The following GSAP variants were observed in gnomAD, a reference collection of about 807,000 sequenced individuals.
GSAP encodes the protein gamma-secretase activating protein, also known as gamma-secretase-activating protein.
GSAP carries 118 observed loss-of-function variants against 131.7 expected under a neutral mutation model. The ratio of observed to expected loss-of-function variants is 0.90; its 90% confidence interval spans 0.77 to 1.04. GSAP has a LOEUF of 1.04. Among genes scored for constraint, GSAP ranks in the 50% least tolerant of loss-of-function variants. The pLI, the probability that GSAP is intolerant of heterozygous loss-of-function variation, is 0.00. For synonymous variants in GSAP, 381 were observed against 363.4 expected, an observed-to-expected ratio of 1.05 and a Z score of -0.55; for missense variants, 1,019 against 1,013.2, an observed-to-expected ratio of 1.01 and a Z score of -0.08.
chr7:77,384,514 T>C (rs1027217701), intron 6 of GSAP, among the ~76,000 whole-genome samples: 1 of 152,062 alleles, frequency 6.6e-6, no homozygotes, highest in Non-Finnish European at 1.5e-5. Context: ...CTTTGAAAAA[T>C]TTATCTTCAC....
chr7:77,336,109 C>T (rs1246311182), intron 19 of GSAP, among the ~76,000 whole-genome samples: 1 of 152,182 alleles, frequency 6.6e-6, no homozygotes, highest in Non-Finnish European at 1.5e-5. Flanking sequence ...TCCTTCTTCC[C>T]CAATATCTAG....
At chr7:77,347,962 G>A (rs1191393267) in intron 19 of GSAP, among the ~76,000 whole-genome samples, 1 of 148,326 alleles carries the variant, frequency 6.7e-6, no homozygotes, top group Non-Finnish European at 1.5e-5. Flanking sequence ...GATCATCCTG[G>A]CAACATAGCA....
At chr7:77,365,904 T>G (rs1369869165) in intron 12 of GSAP, among the ~76,000 whole-genome samples, 1 of 146,554 alleles carries the variant, frequency 6.8e-6, no homozygotes, top group Non-Finnish European at 1.5e-5. Context: ...GTGGGTTTTT[T>G]TTTTTTTTTT....
intron 26 of GSAP, 151 bp downstream of exon 26, chr7:77,320,574 C>G (rs1787498441): frequency 1.6e-6 from 1 of 610,712 alleles, no homozygotes; most frequent in Non-Finnish European, 2.9e-6. Context: ...CAGCAGAGAC[C>G]AACCTAAGGG....
At chr7:77,386,874 A>C (rs183045993) in intron 6 of GSAP, among the ~76,000 whole-genome samples, 10 of 152,224 alleles carry the variant, frequency 6.6e-5, no homozygotes, top group Admixed American at 3.9e-4. Flanking sequence ...ACGAAGTACT[A>C]TAAGTGTTTA....
In GSAP at chr7:77,311,914, T is replaced by A. The variant is rs1320052533; in HGVS notation, c.2400A>T (p.Ser800=). 6.3e-7 allele frequency: 1 copy of A among 1,599,670 alleles called. No individual in the cohort carries two copies. The highest frequency in any genetic ancestry group is 8.6e-7 in the Non-Finnish European group (1 of 1,166,932). Residue 800 remains serine, a synonymous_variant, in exon 30 of 31, where the codon TCA becomes TCT. Coordinates refer to ENST00000257626, the MANE Select transcript of GSAP (RefSeq NM_017439.4). ...KQPRNSMINK[S]SFSVEFLPLN... is the part of the protein sequence containing the mutation. ...GAGGCAGAAATTCTACACTGAACGA[T>A]GACTTGTTAATCATAGAATTCCGAG... is the stretch of plus-strand genomic sequence containing the variant.
At position 77,352,960 on chromosome 7, in the gene GSAP, A is replaced by G. The variant is rs530890539; in HGVS notation, c.1475T>C (p.Val492Ala). Residue 492 changes from valine (V) to alanine (A), a missense_variant, in exon 18 of 31, where the codon GTG (valine) becomes GCG (alanine). Physicochemically the swap from Val to Ala is moderately conservative, Grantham distance 64. Transcript: ENST00000257626. ...NMDKLLPHSS[V>A]LTWNTEIPGI... is the part of the protein sequence containing the mutation. The stretch of plus-strand genomic sequence containing the variant: ...TTAACTTACTGTATTCCAAGTGAGC[A>G]CTGAGGAATGTGGCAATAGTTTGTC... The G allele has an allele frequency of 2.5e-6, 4 of 1,586,068 alleles. No homozygotes were observed. The highest frequency in any genetic ancestry group is 3.5e-6 in the Non-Finnish European group (4 of 1,154,456).
intron 13 of GSAP, 32 bp downstream of exon 13, chr7:77,362,551 T>C (rs750557084): frequency 3.4e-6 from 4 of 1,173,188 alleles, no homozygotes; most frequent in Non-Finnish European, 5.1e-6. Context: ...AAAGTTATTA[T>C]GTAAAAGTAA....
rs1401461474 is a variant in GSAP, at chr7:77,328,551, T to G, written c.1765+55A>C. 8.2e-6 allele frequency: 13 copies of G among 1,592,262 alleles called. No individual in the cohort carries two copies. The East Asian group carries it at 2.7e-4, about 33-fold the overall frequency. ...CCCACAGTGGTAGGAAGAACAGTGC[T>G]ACAAACAAAACACTGACTGGAACCC... On this transcript the variant is annotated intron_variant, in intron 22 of 30. Coordinates refer to ENST00000257626, the MANE Select transcript of GSAP (RefSeq NM_017439.4).
intron 19 of GSAP, chr7:77,330,783 T>C (rs900796216): frequency 1.0e-6 from 1 of 985,668 alleles, no homozygotes; most frequent in African/African-American, 1.7e-5. Flanking sequence ...TCATTAACAT[T>C]TGGATAAATG....
At chr7:77,397,843 A>G (rs906271961) in intron 3 of GSAP, among the ~76,000 whole-genome samples, 6 of 152,354 alleles carry the variant, frequency 3.9e-5, no homozygotes, top group Non-Finnish European at 5.9e-5. Flanking sequence ...ACTTAGTGCA[A>G]TAAGCACTCA....
chr7:77,320,970 C>A, intron 25 of GSAP, 151 bp from the exon 26 acceptor site: 2 of 630,222 alleles, frequency 3.2e-6, no homozygotes, highest in Non-Finnish European at 5.7e-6. Flanking sequence ...ATGAATGTGA[C>A]CATCGGCCTA....
At chr7:77,324,467 A>G (rs1416311212) in intron 23 of GSAP, among the ~76,000 whole-genome samples, 1 of 152,182 alleles carries the variant, frequency 6.6e-6, no homozygotes, top group Admixed American at 6.5e-5. Flanking sequence ...GTTTGTGCCA[A>G]TAAACAGCCC....
chr7:77,398,686 T>C (rs1800823498), intron 3 of GSAP, among the ~76,000 whole-genome samples: 1 of 152,028 alleles, frequency 6.6e-6, no homozygotes, highest in Non-Finnish European at 1.5e-5. Flanking sequence ...GAGGATTACT[T>C]GAGCCCAGGA....
intron 5 of GSAP, among the ~76,000 whole-genome samples, chr7:77,396,240 C>A (rs78336482): frequency 0.078 from 11,790 of 151,622 alleles, 585 homozygotes; most frequent in South Asian, 0.17. Flanking sequence ...TTCTTGGTTT[C>A]TATGTTAAAA....
intron 6 of GSAP, among the ~76,000 whole-genome samples, chr7:77,383,318 TCACA>T (rs10539947): frequency 0.078 from 11,712 of 150,110 alleles, 484 homozygotes; most frequent in Middle Eastern, 0.11. Flanking sequence ...ATGTTCTATT[TCACA>T]CACACACACA....
At chr7:77,326,705 AG>A in intron 22 of GSAP, 1 of 155,762 alleles carries the variant, frequency 6.4e-6, no homozygotes, top group African/African-American at 2.4e-5. Flanking sequence ...TACTGAGCTG[AG>A]GGGGCCAGTC....
intron 12 of GSAP, among the ~76,000 whole-genome samples, chr7:77,372,614 T>C (rs966224412): frequency 5.3e-5 from 8 of 152,218 alleles, no homozygotes; most frequent in African/African-American, 9.6e-5. Flanking sequence ...TACATATATA[T>C]ATAGTGAGAA....
intron 19 of GSAP, among the ~76,000 whole-genome samples, chr7:77,338,012 A>G (rs1169575398): frequency 6.6e-6 from 1 of 151,958 alleles, no homozygotes; most frequent in Non-Finnish European, 1.5e-5. Context: ...CAAACAAACA[A>G]AAATTAGCCA....
Sources: gnomAD v4.1 joint callset for allele counts (sites outside exome capture counted in the v4.1 genomes callset) on GRCh38, gnomAD v4.1.1 for gene constraint, MANE v1.5 for transcripts, NCBI Gene and HGNC (gene_info 2026-07-23, HGNC 2026-07-21) for gene names.